The following AUTS2 variants were observed in gnomAD, a reference collection of about 807,000 sequenced individuals.
AUTS2 encodes autism susceptibility gene 2 protein.
A neutral mutation model predicts 112.4 loss-of-function variants in AUTS2; 17 were observed. The observed-to-expected ratio is 0.15, with a 90% confidence interval of 0.10 to 0.23. AUTS2 has a LOEUF of 0.23. Ranked by LOEUF, AUTS2 falls within the 10% of genes least tolerant of loss-of-function variation. The pLI, the probability that AUTS2 is intolerant of heterozygous loss-of-function variation, is 1.00. For synonymous variants in AUTS2, 751 were observed against 702.7 expected, an observed-to-expected ratio of 1.07 and a Z score of -1.09; for missense variants, 1,510 against 1,701.6, an observed-to-expected ratio of 0.89 and a Z score of 1.98.
At chr7:70,727,805 C>T (rs1787125307) in intron 6 of AUTS2, among the ~76,000 whole-genome samples, 2 of 152,196 alleles carry the variant, frequency 1.3e-5, no homozygotes, top group Non-Finnish European at 2.9e-5. Flanking sequence ...AAATCCTACT[C>T]CTGGGCAGAA....
intron 1 of AUTS2, among the ~76,000 whole-genome samples, chr7:69,761,593 T>C (rs1788186793): frequency 6.6e-6 from 1 of 152,144 alleles, no homozygotes; most frequent in African/African-American, 2.4e-5. Context: ...TATAATTGTT[T>C]ACAGAAAATG....
chr7:70,548,192 C>G (rs910533276), intron 5 of AUTS2, among the ~76,000 whole-genome samples: 11 of 152,150 alleles, frequency 7.2e-5, no homozygotes, highest in African/African-American at 2.4e-4. Flanking sequence ...TGTTGAGCAT[C>G]TTTTCATTTG....
intron 5 of AUTS2, among the ~76,000 whole-genome samples, chr7:70,485,243 A>G (rs534080896): frequency 6.6e-6 from 1 of 152,238 alleles, no homozygotes; most frequent in South Asian, 2.1e-4. Flanking sequence ...ATGCCCATCA[A>G]TCAACAAGTG....
intron 5 of AUTS2, among the ~76,000 whole-genome samples, chr7:70,586,709 G>A (rs191707606): frequency 3.1e-4 from 47 of 152,266 alleles, no homozygotes; most frequent in Non-Finnish European, 5.4e-4. Flanking sequence ...GCATATTTAC[G>A]TTCTGGGTGG....
intron 5 of AUTS2, among the ~76,000 whole-genome samples, chr7:70,695,792 C>T (rs1027021365): frequency 2.0e-5 from 3 of 152,180 alleles, no homozygotes; most frequent in African/African-American, 7.2e-5. Flanking sequence ...AACAAAAAAA[C>T]ATATTCCCCC....
intron 2 of AUTS2, among the ~76,000 whole-genome samples, chr7:69,919,005 G>A (rs1423179366): frequency 6.6e-6 from 1 of 152,108 alleles, no homozygotes; most frequent in Non-Finnish European, 1.5e-5. Flanking sequence ...TAGAAATACA[G>A]CTGTGGATGA....
intron 5 of AUTS2, among the ~76,000 whole-genome samples, chr7:70,606,600 C>T (rs538107712): frequency 5.9e-5 from 9 of 152,240 alleles, no homozygotes; most frequent in Admixed American, 1.3e-4. Flanking sequence ...GTGGCTCACG[C>T]CTGTAATCTC....
chr7:70,218,866 G>A (rs369917177), intron 4 of AUTS2, among the ~76,000 whole-genome samples: 8 of 151,980 alleles, frequency 5.3e-5, no homozygotes, highest in African/African-American at 9.7e-5. Flanking sequence ...TAGACCTAGC[G>A]ATATGTACCT....
At chr7:70,608,567 A>G (rs10263701) in intron 5 of AUTS2, among the ~76,000 whole-genome samples, 3,564 of 152,272 alleles carry the variant, frequency 0.023, 154 homozygotes, top group African/African-American at 0.081. Flanking sequence ...TAACTTTTTC[A>G]GAGCAGCCTC....
At chr7:69,651,745 T>C (rs958783998) in intron 1 of AUTS2, among the ~76,000 whole-genome samples, 13 of 152,256 alleles carry the variant, frequency 8.5e-5, no homozygotes, top group Admixed American at 7.2e-4. Flanking sequence ...CTAATCAACA[T>C]GTGAAATCTT....
chr7:70,374,970 GGACAGC>G (rs1793018480), intron 4 of AUTS2, among the ~76,000 whole-genome samples: 1 of 152,104 alleles, frequency 6.6e-6, no homozygotes, highest in African/African-American at 2.4e-5. Context: ...GCAGCACTTG[GGACAGC>G]TGCTCCAACT....
At chr7:70,452,406 C>G (rs748105583) in intron 5 of AUTS2, among the ~76,000 whole-genome samples, 11 of 152,178 alleles carry the variant, frequency 7.2e-5, no homozygotes, top group Admixed American at 2.6e-4. Flanking sequence ...TTGCAGTGAG[C>G]TGAGATTGCA....
intron 4 of AUTS2, among the ~76,000 whole-genome samples, chr7:70,372,132 C>T (rs924977207): frequency 2.0e-5 from 3 of 152,166 alleles, no homozygotes; most frequent in Admixed American, 6.5e-5. Flanking sequence ...ATGTCCCCAA[C>T]TTAAAATTTG....
chr7:70,194,387 G>A (rs919952089), intron 4 of AUTS2, among the ~76,000 whole-genome samples: 9 of 152,106 alleles, frequency 5.9e-5, no homozygotes, highest in Admixed American at 2.0e-4. Flanking sequence ...TAACCTGGGC[G>A]ACAGAGCGAG....
In AUTS2 at chr7:70,388,942, A is replaced by G. The variant is rs551346975; in HGVS notation, c.661-46810A>G. Among the ~76,000 whole-genome samples the G allele has an allele frequency of 3.9e-5, 6 of 152,314 alleles. No individual in the cohort carries two copies. In the South Asian group the frequency reaches 6.2e-4, roughly 16 times the overall value. On this transcript the variant is annotated intron_variant, in intron 4 of 18. Coordinates refer to ENST00000342771, the MANE Select transcript of AUTS2 (RefSeq NM_015570.4). ...CAATGAGGAGATAAATAGTTTAACTATCAGATCCACTTCAAGATGATATTG... is the reference window on the plus strand; with the variant it reads ...CAATGAGGAGATAAATAGTTTAACTGTCAGATCCACTTCAAGATGATATTG...
chr7:69,937,730 T>A (rs1462506960), intron 2 of AUTS2, among the ~76,000 whole-genome samples: 1 of 152,174 alleles, frequency 6.6e-6, no homozygotes, highest in Admixed American at 6.5e-5. Context: ...CCTCAGGAAA[T>A]GTCTTTACCT....
intron 1 of AUTS2, among the ~76,000 whole-genome samples, chr7:69,877,284 C>T (rs1793844840): frequency 6.6e-6 from 1 of 152,068 alleles, no homozygotes; most frequent in African/African-American, 2.4e-5. Context: ...AGCTTGCTTC[C>T]CTGTGCCTAG....
chr7:70,304,950 G>C (rs1022851459), intron 4 of AUTS2, among the ~76,000 whole-genome samples: 1 of 152,032 alleles, frequency 6.6e-6, no homozygotes, highest in Non-Finnish European at 1.5e-5. Flanking sequence ...CATTTAAATT[G>C]TGCTCATAGT....
chr7:69,923,936 GT>G (rs1382007801), intron 2 of AUTS2, among the ~76,000 whole-genome samples: 2 of 152,066 alleles, frequency 1.3e-5, no homozygotes, highest in Non-Finnish European at 2.9e-5. Context: ...TATCTTCTCT[GT>G]CTTTTTCTTG....
Sources: allele counts gnomAD v4.1 joint callset (sites outside exome capture counted in the v4.1 genomes callset), GRCh38; gene constraint gnomAD v4.1.1; transcripts MANE v1.5; gene names NCBI Gene and HGNC (gene_info 2026-07-23, HGNC 2026-07-21).